The following CNTN1 variants were observed in gnomAD, a reference collection of about 807,000 sequenced individuals.
The protein encoded by CNTN1 is contactin-1.
Under a neutral mutation model 126.4 loss-of-function variants are expected in CNTN1, and 38 were observed. That is an observed-to-expected ratio of 0.30 (90% CI 0.23 to 0.39). The LOEUF is 0.39. CNTN1 is among the 10% of genes least tolerant of loss of function. The probability of loss-of-function intolerance (pLI) is 1.00; values close to 1 mark genes in which losing one functional copy is unlikely to be tolerated. For missense variants in CNTN1, 1,009 were observed against 1,248.4 expected, an observed-to-expected ratio of 0.81 and a Z score of 2.89; for synonymous variants, 413 against 422.6, an observed-to-expected ratio of 0.98 and a Z score of 0.28.
chr12:40,837,321 GGAGA>G (rs984393373), intron 1 of CNTN1, among the ~76,000 whole-genome samples: 70 of 152,276 alleles, frequency 4.6e-4, no homozygotes, highest in African/African-American at 1.6e-3. Flanking sequence ...GAAGGAGAAG[GGAGA>G]GAGAGACAGT....
intron 17 of CNTN1, among the ~76,000 whole-genome samples, chr12:40,997,632 A>G (rs780525316): frequency 2.6e-5 from 4 of 152,226 alleles, no homozygotes; most frequent in Non-Finnish European, 5.9e-5. Context: ...GACCTGAATT[A>G]AAGATGGCAG....
chr12:40,965,991 C>T (rs1773140717), intron 15 of CNTN1, among the ~76,000 whole-genome samples: 1 of 140,862 alleles, frequency 7.1e-6, no homozygotes, highest in Admixed American at 7.5e-5. Context: ...ATACACACCT[C>T]ATCACACCAC....
At chr12:40,823,696 C>T (rs1941521445) in intron 1 of CNTN1, among the ~76,000 whole-genome samples, 1 of 152,136 alleles carries the variant, frequency 6.6e-6, no homozygotes, top group African/African-American at 2.4e-5. Flanking sequence ...TTTACACTTT[C>T]AAACCCTGAG....
chr12:40,975,196 ATATATATAT>A (rs1163327831), intron 15 of CNTN1, among the ~76,000 whole-genome samples: 1 of 52,992 alleles, frequency 1.9e-5, no homozygotes, highest in African/African-American at 7.2e-5. Context: ...ATATATATAT[ATATATATAT>A]ATATATATAT....
At chr12:40,783,308 T>C (rs764948499) in intron 1 of CNTN1, among the ~76,000 whole-genome samples, 9 of 151,996 alleles carry the variant, frequency 5.9e-5, no homozygotes, top group Non-Finnish European at 1.3e-4. Context: ...ATGAACAGTT[T>C]TGAATAAAAT....
Position 41,043,216 on chromosome 12 carries a change from C to T in CNTN1, c.2980+13997C>T, listed in dbSNP as rs554145412. Among the ~76,000 whole-genome samples the T allele has an allele frequency of 3.8e-3, 582 of 152,160 alleles. 4 individuals are homozygous for T. The highest frequency in any genetic ancestry group is 0.013 in the African/African-American group (556 of 41,514). On this transcript the variant is annotated intron_variant, in intron 23 of 23. Transcript: ENST00000551295. Reference sequence around the variant, plus strand: ...ACTACCATCAGAGTGAACAGGCAACCTACAAAATGGGAGAAAATTTTTGCC... The same window carrying T: ...ACTACCATCAGAGTGAACAGGCAACTTACAAAATGGGAGAAAATTTTTGCC...
intron 23 of CNTN1, among the ~76,000 whole-genome samples, chr12:41,055,049 G>A (rs186732224): frequency 9.9e-5 from 15 of 152,232 alleles, no homozygotes; most frequent in African/African-American, 3.6e-4. Flanking sequence ...TTGCACAACT[G>A]TGTTTGAAAT....
intron 18 of CNTN1, among the ~76,000 whole-genome samples, chr12:41,015,564 A>G (rs1948761539): frequency 6.6e-6 from 1 of 152,206 alleles, no homozygotes; most frequent in African/African-American, 2.4e-5. Flanking sequence ...ATCTAAAATC[A>G]CATACCTATT....
At chr12:41,067,757 A>G (rs927685806) in intron 23 of CNTN1, among the ~76,000 whole-genome samples, 42 of 140,356 alleles carry the variant, frequency 3.0e-4, no homozygotes, top group Non-Finnish European at 5.4e-4. Flanking sequence ...CCTAAAACTT[A>G]AAGTATAATA....
intron 23 of CNTN1, among the ~76,000 whole-genome samples, chr12:41,059,805 G>T (rs965483733): frequency 6.6e-6 from 1 of 152,088 alleles, no homozygotes; most frequent in African/African-American, 2.4e-5. Flanking sequence ...TGAGAGGATT[G>T]CTTGAATCCA....
rs144896071 is a variant in CNTN1, at chr12:40,939,336, G to A, written c.1230G>A (p.Ala410=). Reference sequence around the variant, plus strand: ...GATAACAATTTGTTTTCTTTTTAGCGTTGGCTCCAACTTTTGAAATGAATC... The same window carrying A: ...GATAACAATTTGTTTTCTTTTTAGCATTGGCTCCAACTTTTGAAATGAATC... ...IYANAELKIL[A]LAPTFEMNPM... The change falls in exon 12 of 24, where the codon GCG becomes GCA. Residue 410 remains alanine (A), a splice_region_variant and synonymous_variant. Transcript: ENST00000551295. 2.2e-5 allele frequency: 36 copies of A among 1,613,604 alleles called. No individual in the cohort carries two copies. In the African/African-American group the frequency reaches 3.2e-4, roughly 14 times the overall value.
chr12:40,895,753 A>G (rs1303135204), intron 1 of CNTN1, among the ~76,000 whole-genome samples: 4 of 140,188 alleles, frequency 2.9e-5, no homozygotes, highest in Admixed American at 7.3e-5. Flanking sequence ...TTGTGCTTCA[A>G]GATTTTTTTT....
At chr12:40,694,299 A>T (rs1941390026) in intron 1 of CNTN1, among the ~76,000 whole-genome samples, 1 of 152,130 alleles carries the variant, frequency 6.6e-6, no homozygotes, top group Admixed American at 6.5e-5. Context: ...TTTTCATATC[A>T]CATCTATTTG....
rs748326947 is a variant in CNTN1 at position 40,922,340 on chromosome 12, C to A, written c.312C>A (p.Asp104Glu). The stretch of plus-strand genomic sequence containing the variant: ...GAAACCTTGTTATCAACAACCCTGA[C>A]AAACAGAAAGATGCTGGAATATACT... ...VGGNLVINNP[D>E]KQKDAGIYYC... Residue 104 changes from aspartate (D) to glutamate (E), a missense_variant, in exon 5 of 24, where the codon GAC (aspartate) becomes GAA (glutamate). By Grantham distance (45) the Asp-to-Glu change is conservative (BLOSUM62 2). Coordinates refer to ENST00000551295, the MANE Select transcript of CNTN1 (RefSeq NM_001843.4). The A allele has an allele frequency of 6.2e-6, 10 of 1,613,858 alleles. 1 individual carries two copies. The highest frequency in any genetic ancestry group is 3.3e-5 in the Admixed American group (2 of 59,994).
intron 1 of CNTN1, among the ~76,000 whole-genome samples, chr12:40,847,931 C>G (rs533650234): frequency 4.6e-5 from 7 of 152,358 alleles, no homozygotes; most frequent in Admixed American, 2.0e-4. Context: ...CAATCTAGAT[C>G]CTTTGCATCA....
At chr12:40,956,129 C>T (rs1045641691) in intron 14 of CNTN1, among the ~76,000 whole-genome samples, 1 of 152,044 alleles carries the variant, frequency 6.6e-6, no homozygotes, top group Non-Finnish European at 1.5e-5. Flanking sequence ...GAAGTGAATA[C>T]ATATTATCTT....
intron 15 of CNTN1, chr12:40,972,353 A>G (rs10879443): frequency 0.65 from 634,326 of 983,172 alleles, 204,862 homozygotes; most frequent in Admixed American, 0.69. Flanking sequence ...GTTTGAAAAT[A>G]CCTTCACTTT....
rs78107849 is a variant in CNTN1, at chr12:40,950,447, T to G, written c.1683+6277T>G. Among the ~76,000 whole-genome samples, 9 of 152,274 alleles carry G rather than the reference T, an allele frequency of 5.9e-5. No homozygotes were observed. In the East Asian group the frequency reaches 1.7e-3, roughly 29 times the overall value. ...TAAGTAGTAGAGGATGGGTTTTATG[T>G]GCTTCTTGAATTTAAGACTCTTAAA... is the stretch of plus-strand genomic sequence containing the variant. On this transcript the variant is annotated intron_variant, in intron 14 of 23. Transcript: ENST00000551295.
chr12:40,948,412 C>T (rs572624604), intron 14 of CNTN1, among the ~76,000 whole-genome samples: 1 of 149,798 alleles, frequency 6.7e-6, no homozygotes, highest in Admixed American at 6.7e-5. Context: ...TAATAATAGC[C>T]AACATTTATT....
Sources: allele counts gnomAD v4.1 joint callset (sites outside exome capture counted in the v4.1 genomes callset), GRCh38; gene constraint gnomAD v4.1.1; transcripts MANE v1.5; gene names NCBI Gene and HGNC (gene_info 2026-07-23, HGNC 2026-07-21).